IL17RD: variants seen among roughly 807,000 people sequenced by gnomAD.
IL17RD encodes interleukin-17 receptor D.
Under a neutral mutation model 80.5 loss-of-function variants are expected in IL17RD, and 52 were observed. The observed-to-expected ratio is 0.65, with a 90% CI of 0.52 to 0.81. The LOEUF (loss-of-function observed/expected upper bound fraction) is 0.81, where lower values mean the gene tolerates loss of function less well. IL17RD is among the 40% of genes least tolerant of loss of function. IL17RD has a pLI of 0.00. For synonymous variants in IL17RD, 416 were observed against 391.8 expected, an observed-to-expected ratio of 1.06 and a Z score of -0.73; for missense variants, 1,024 against 955.1, an observed-to-expected ratio of 1.07 and a Z score of -0.95.
At chr3:57,127,365 A>T (rs1172578283) in intron 1 of IL17RD, among the ~76,000 whole-genome samples, 2,617 of 77,872 alleles carry the variant, frequency 0.034, 354 homozygotes, top group East Asian at 0.15. Flanking sequence ...TATAAATATA[A>T]ATATATATAT....
chr3:57,100,247 T>G (rs972239629), intron 11 of IL17RD, among the ~76,000 whole-genome samples: 5 of 152,240 alleles, frequency 3.3e-5, no homozygotes, highest in African/African-American at 9.6e-5. Flanking sequence ...CACGCTTTCA[T>G]GCAGAGGGAA....
rs1491387894 is a variant in IL17RD, at chr3:57,148,104, G to GAGC, written c.126+17056_126+17057insGCT. The stretch of plus-strand genomic sequence containing the variant: ...GGCCAAGGTTGGGGGGGGGGGGGGG[G>GAGC]CGATCGCTAGGTCAAGAGTTCAAGA... On this transcript the variant is annotated intron_variant, in intron 1 of 12. Transcript: ENST00000296318. Among the ~76,000 whole-genome samples, 343 of 44,178 alleles carry GAGC rather than the reference G, an allele frequency of 7.8e-3. 43 individuals are homozygous for GAGC. The highest frequency in any genetic ancestry group is 0.04 in the East Asian group (61 of 1,534). 29.0% of individuals were successfully genotyped at this position (44,178 alleles called of 152,430 possible).
At chr3:57,113,561 GTC>G (rs1344340869) in intron 3 of IL17RD, among the ~76,000 whole-genome samples, 1 of 152,032 alleles carries the variant, frequency 6.6e-6, no homozygotes, top group African/African-American at 2.4e-5. Context: ...AAGAGACAGG[GTC>G]TCTCACTCTA....
At position 57,098,060 on chromosome 3, in the gene IL17RD, T is replaced by C; in HGVS notation, c.1643A>G (p.Asn548Ser). The change falls in exon 12 of 13, where the codon AAC becomes AGC. Residue 548 changes from asparagine to serine, a missense_variant. Asn to Ser is a conservative substitution (Grantham distance 46, BLOSUM62 1). Transcript: ENST00000296318. The stretch of plus-strand genomic sequence containing the variant: ...CTCCTCGTCAATAAACTGGTGCATG[T>C]TGCAAATGGCGACGTATAGGGACCG... ...SGRSLYVAIC[N>S]MHQFIDEEPD... 1.9e-6 allele frequency: 3 copies of C among 1,614,002 alleles called. No homozygotes were observed. Among genetic ancestry groups the C allele is most frequent in the Non-Finnish European group, 2.5e-6 (3 of 1,179,886 alleles).
chr3:57,144,576 A>C (rs993475235), intron 1 of IL17RD, among the ~76,000 whole-genome samples: 1 of 152,208 alleles, frequency 6.6e-6, no homozygotes, highest in Non-Finnish European at 1.5e-5. Flanking sequence ...TGGTGTATTA[A>C]GGGTAGTCCC....
At chr3:57,126,123 G>A (rs55853653) in intron 1 of IL17RD, among the ~76,000 whole-genome samples, 2,374 of 152,282 alleles carry the variant, frequency 0.016, 27 homozygotes, top group Admixed American at 0.028. Context: ...ATGAGCTGAC[G>A]ATTAAAAATA....
chr3:57,112,257 GTGT>G (rs1219032545), intron 3 of IL17RD, among the ~76,000 whole-genome samples: 1 of 152,192 alleles, frequency 6.6e-6, no homozygotes, highest in Non-Finnish European at 1.5e-5. Context: ...CAGAAGGAAG[GTGT>G]TATTATCCCC....
chr3:57,162,248 A>G (rs2060310086), intron 1 of IL17RD, among the ~76,000 whole-genome samples: 1 of 152,246 alleles, frequency 6.6e-6, no homozygotes, highest in Non-Finnish European at 1.5e-5. Context: ...GCTCTGCTCC[A>G]GCACCTAAAT....
Position 57,097,615 on chromosome 3 carries a change from C to G in IL17RD, c.2088G>C (p.Val696=). 3 of 1,578,810 alleles carry G rather than the reference C, an allele frequency of 1.9e-6. No homozygotes were observed. The part of the protein sequence containing the change: ...QTETSSLTES[V]SSSSGLGEEE... The stretch of plus-strand genomic sequence containing the variant: ...CCTTACCCAGGCCTGAAGAGGAGGA[C>G]ACGCTCTCCGTCAGGGAAGACGTTT... The change falls in exon 12 of 13, where the codon GTG becomes GTC. Residue 696 remains valine (V), a synonymous_variant. Transcript: ENST00000296318.
chr3:57,097,279 C>T (rs1190080104), intron 12 of IL17RD, among the ~76,000 whole-genome samples: 3 of 152,168 alleles, frequency 2.0e-5, no homozygotes, highest in Admixed American at 6.5e-5. Flanking sequence ...TTACCCAAGA[C>T]CCTTGGGGCC....
At chr3:57,099,698 A>T (rs746900625) in intron 11 of IL17RD, among the ~76,000 whole-genome samples, 12 of 152,204 alleles carry the variant, frequency 7.9e-5, no homozygotes, top group Non-Finnish European at 1.5e-4. Context: ...CATTTTTTAA[A>T]TGTTTCTATC....
intron 1 of IL17RD, among the ~76,000 whole-genome samples, chr3:57,132,204 G>A (rs539347320): frequency 9.9e-5 from 15 of 151,916 alleles, no homozygotes; most frequent in African/African-American, 2.9e-4. Context: ...CGGGCGCAGC[G>A]GCTCACATTT....
chr3:57,127,349 AATATAT>A (rs1362122528), intron 1 of IL17RD, among the ~76,000 whole-genome samples: 7 of 101,624 alleles, frequency 6.9e-5, no homozygotes, highest in African/African-American at 4.2e-4. Flanking sequence ...AATATATATA[AATATAT>A]ATAAATATAA....
rs1434140847 is a variant in IL17RD at position 57,105,840 on chromosome 3, T to C, written c.747+17A>G. The C allele has an allele frequency of 6.2e-7, 1 of 1,611,246 alleles. No individual in the cohort carries two copies. The highest frequency in any genetic ancestry group is 2.2e-5 in the East Asian group (1 of 44,866). On this transcript the variant is annotated intron_variant, in intron 7 of 12. Coordinates refer to ENST00000296318, the MANE Select transcript of IL17RD (RefSeq NM_017563.5). Reference sequence around the variant, plus strand: ...TTGAAACACGCAGTGTTCCTTTATATACACCCAGCAGCTCACCTGCTTACA... The same window carrying C: ...TTGAAACACGCAGTGTTCCTTTATACACACCCAGCAGCTCACCTGCTTACA...
chr3:57,161,702 G>C (rs891791879), intron 1 of IL17RD, among the ~76,000 whole-genome samples: 2 of 152,154 alleles, frequency 1.3e-5, no homozygotes, highest in African/African-American at 4.8e-5. Context: ...CCATAAAAAG[G>C]CTTCTAGACC....
intron 11 of IL17RD, among the ~76,000 whole-genome samples, chr3:57,099,758 A>C (rs1315293974): frequency 2.0e-5 from 3 of 152,240 alleles, no homozygotes; most frequent in African/African-American, 7.2e-5. Context: ...AAATCATCAC[A>C]AATGGGACAA....
intron 1 of IL17RD, among the ~76,000 whole-genome samples, chr3:57,140,600 A>G (rs540387164): frequency 6.6e-6 from 1 of 152,324 alleles, no homozygotes; most frequent in South Asian, 2.1e-4. Flanking sequence ...CATTTGACAG[A>G]TGTACATCCA....
chr3:57,108,735 C>T (rs561114334), intron 5 of IL17RD, among the ~76,000 whole-genome samples: 1 of 151,326 alleles, frequency 6.6e-6, no homozygotes, highest in Admixed American at 6.6e-5. Flanking sequence ...AGGCTGGTCT[C>T]GAACTACTGA....
chr3:57,109,478 A>G (rs1248885768), intron 5 of IL17RD, 59 bp downstream of exon 5: 3 of 1,579,326 alleles, frequency 1.9e-6, no homozygotes, highest in Admixed American at 3.7e-5. Context: ...CTGTAGAAAA[A>G]TCATTAAAAG....
Sources: allele counts gnomAD v4.1 joint callset (sites outside exome capture counted in the v4.1 genomes callset), GRCh38; gene constraint gnomAD v4.1.1; transcripts MANE v1.5; gene names NCBI Gene and HGNC (gene_info 2026-07-23, HGNC 2026-07-21).